The following TBC1D5 variants were observed in gnomAD, a reference collection of about 807,000 sequenced individuals.
TBC1D5 encodes TBC1 domain family member 5.
A neutral mutation model predicts 100.3 loss-of-function variants in TBC1D5; 75 were observed. The observed-to-expected ratio is 0.75, with a 90% CI of 0.62 to 0.91. The LOEUF (loss-of-function observed/expected upper bound fraction) is 0.91. Ranked by LOEUF, TBC1D5 falls within the 40% of genes least tolerant of loss-of-function variation. TBC1D5 has a pLI of 0.00. For synonymous variants in TBC1D5, 323 were observed against 325.6 expected, an observed-to-expected ratio of 0.99 and a Z score of 0.09; for missense variants, 910 against 942.4, an observed-to-expected ratio of 0.97 and a Z score of 0.45.
At chr3:17,727,464 G>A (rs1284662634) in intron 1 of TBC1D5, among the ~76,000 whole-genome samples, 8 of 152,102 alleles carry the variant, frequency 5.3e-5, no homozygotes, top group African/African-American at 1.7e-4. Flanking sequence ...GGAGAACTGA[G>A]TTCAATCTTG....
intron 1 of TBC1D5, among the ~76,000 whole-genome samples, chr3:17,724,602 C>T (rs1246351907): frequency 1.3e-5 from 2 of 152,096 alleles, no homozygotes; most frequent in Non-Finnish European, 2.9e-5. Context: ...ATTTTCTTTA[C>T]GTTATTCTGC....
chr3:17,535,786 C>T (rs2096276109), intron 2 of TBC1D5, among the ~76,000 whole-genome samples: 1 of 152,056 alleles, frequency 6.6e-6, no homozygotes, highest in Non-Finnish European at 1.5e-5. Context: ...CTCACTATTA[C>T]TTCATTTTAA....
chr3:17,692,087 A>G (rs962140567), intron 1 of TBC1D5, among the ~76,000 whole-genome samples: 19 of 151,172 alleles, frequency 1.3e-4, no homozygotes, highest in Admixed American at 2.0e-4. Flanking sequence ...AATAAAAAAC[A>G]TAAGTACTTT....
intron 3 of TBC1D5, among the ~76,000 whole-genome samples, chr3:17,505,369 G>A (rs903681040): frequency 7.9e-5 from 12 of 152,034 alleles, no homozygotes; most frequent in Admixed American, 3.3e-4. Context: ...TTTGCCTTTT[G>A]CCATGATTGG....
chr3:17,268,987 C>A (rs1036748587), intron 15 of TBC1D5, among the ~76,000 whole-genome samples: 1 of 152,108 alleles, frequency 6.6e-6, no homozygotes, highest in Admixed American at 6.6e-5. Context: ...TAGGCAGCTA[C>A]CATCAGGACC....
chr3:17,400,688 C>G (rs1267356927), intron 8 of TBC1D5, among the ~76,000 whole-genome samples: 1 of 152,080 alleles, frequency 6.6e-6, no homozygotes, highest in African/African-American at 2.4e-5. Flanking sequence ...GCAGCCCCAT[C>G]CTCACTCTGG....
At chr3:17,504,309 T>G (rs1346934841) in intron 3 of TBC1D5, among the ~76,000 whole-genome samples, 101 of 83,478 alleles carry the variant, frequency 1.2e-3, no homozygotes, top group Middle Eastern at 5.9e-3. Context: ...GGGGGAGAGA[T>G]AGCATTGGGA....
intron 14 of TBC1D5, among the ~76,000 whole-genome samples, chr3:17,303,755 A>C (rs1185829740): frequency 1.3e-5 from 2 of 151,948 alleles, no homozygotes; most frequent in East Asian, 3.8e-4. Flanking sequence ...TATTTTAAAA[A>C]ACACTCAACA....
intron 15 of TBC1D5, among the ~76,000 whole-genome samples, chr3:17,275,547 AAACC>A (rs960105290): frequency 4.6e-5 from 7 of 152,122 alleles, no homozygotes; most frequent in Non-Finnish European, 5.9e-5. Flanking sequence ...CTCTTTAAAC[AAACC>A]AACCAACCAA....
At chr3:17,658,904 C>T (rs1313635088) in intron 1 of TBC1D5, among the ~76,000 whole-genome samples, 3 of 152,142 alleles carry the variant, frequency 2.0e-5, no homozygotes, top group Non-Finnish European at 4.4e-5. Context: ...GTGATCCACC[C>T]GCCTCGGCCT....
At chr3:17,418,568 C>G (rs1052861827) in intron 4 of TBC1D5, among the ~76,000 whole-genome samples, 2 of 151,570 alleles carry the variant, frequency 1.3e-5, no homozygotes, top group Non-Finnish European at 2.9e-5. Flanking sequence ...AGATGGCCCT[C>G]TAGCCTAAGC....
At chr3:17,458,253 T>A (rs1027435090) in intron 3 of TBC1D5, among the ~76,000 whole-genome samples, 1 of 151,938 alleles carries the variant, frequency 6.6e-6, no homozygotes, top group Admixed American at 6.6e-5. Context: ...GGGCTGAGGG[T>A]TTTTTCCCTG....
At chr3:17,676,373 C>T (rs763502262) in intron 1 of TBC1D5, among the ~76,000 whole-genome samples, 3 of 151,982 alleles carry the variant, frequency 2.0e-5, no homozygotes, top group Non-Finnish European at 4.4e-5. Context: ...AAACAGAGGG[C>T]CAAATCACGA....
chr3:17,623,365 T>C (rs1366284353), intron 2 of TBC1D5, among the ~76,000 whole-genome samples: 1 of 152,206 alleles, frequency 6.6e-6, no homozygotes, highest in Admixed American at 6.5e-5. Context: ...CCAATGGCTA[T>C]GTCTTTCAAA....
At chr3:17,189,111 C>A (rs1047445258) in intron 18 of TBC1D5, among the ~76,000 whole-genome samples, 1 of 152,066 alleles carries the variant, frequency 6.6e-6, no homozygotes, top group African/African-American at 2.4e-5. Context: ...CTGGCAGGAT[C>A]GGGGGAGAAC....
At position 17,191,537 on chromosome 3, in the gene TBC1D5, C is replaced by T. The variant is rs545889614; in HGVS notation, c.1753-6329G>A. ...CACACATATGGGCATAGGCACCTCA[C>T]AGAAATCCTAAATGTCTAATGATGG... On this transcript the variant is annotated intron_variant, in intron 18 of 21. Transcript: ENST00000253692. Among the ~76,000 whole-genome samples, 22 of 152,334 alleles carry T rather than the reference C, an allele frequency of 1.4e-4. 1 individual carries two copies. In the Middle Eastern group the frequency reaches 0.01, roughly 71 times the overall value.
intron 18 of TBC1D5, among the ~76,000 whole-genome samples, chr3:17,204,097 T>C (rs779153589): frequency 7.2e-5 from 11 of 152,194 alleles, no homozygotes; most frequent in Non-Finnish European, 1.5e-4. Flanking sequence ...TATAACTTCC[T>C]GGAAAAGTTT....
intron 2 of TBC1D5, among the ~76,000 whole-genome samples, chr3:17,510,670 C>T (rs2095894182): frequency 6.6e-6 from 1 of 151,910 alleles, no homozygotes; most frequent in Non-Finnish European, 1.5e-5. Context: ...AAATTCAGAA[C>T]CAACGTCCTC....
At chr3:17,462,322 ATT>A (rs527597868) in intron 3 of TBC1D5, among the ~76,000 whole-genome samples, 33 of 132,616 alleles carry the variant, frequency 2.5e-4, no homozygotes, top group Admixed American at 3.8e-4. Flanking sequence ...TCGGACCTTA[ATT>A]TTTTTTTTTT....
Sources: gnomAD v4.1 joint callset for allele counts (sites outside exome capture counted in the v4.1 genomes callset) on GRCh38, gnomAD v4.1.1 for gene constraint, MANE v1.5 for transcripts, NCBI Gene and HGNC (gene_info 2026-07-23, HGNC 2026-07-21) for gene names.